LDB2: variants seen among roughly 807,000 people sequenced by gnomAD.
The protein encoded by LDB2 is LIM domain-binding protein 2.
Under a neutral mutation model 44.3 loss-of-function variants are expected in LDB2, and 12 were observed. That is an observed-to-expected ratio of 0.27 (90% CI 0.17 to 0.44). The LOEUF (loss-of-function observed/expected upper bound fraction) is 0.44. Ranked by LOEUF, LDB2 falls within the 20% of genes least tolerant of loss-of-function variation. LDB2 has a pLI of 1.00. For missense variants in LDB2, 344 were observed against 473.5 expected, an observed-to-expected ratio of 0.73 and a Z score of 2.54; for synonymous variants, 164 against 174.8, an observed-to-expected ratio of 0.94 and a Z score of 0.49.
intron 2 of LDB2, among the ~76,000 whole-genome samples, chr4:16,607,029 T>G (rs1295030918): frequency 6.6e-6 from 1 of 152,174 alleles, no homozygotes; most frequent in African/African-American, 2.4e-5. Flanking sequence ...GAAGGCAGAC[T>G]TGGGTAAAAC....
chr4:16,686,453 G>T (rs1346706951), intron 2 of LDB2, among the ~76,000 whole-genome samples: 1 of 152,232 alleles, frequency 6.6e-6, no homozygotes, highest in Non-Finnish European at 1.5e-5. Context: ...TGCAAGGAAA[G>T]ACTACGTGAC....
intron 5 of LDB2, among the ~76,000 whole-genome samples, chr4:16,524,187 T>C (rs1191068365): frequency 6.6e-6 from 1 of 152,170 alleles, no homozygotes; most frequent in East Asian, 1.9e-4. Flanking sequence ...ATAGTATTTA[T>C]CAGGCACCTT....
At chr4:16,569,922 A>G (rs1745815374) in intron 5 of LDB2, among the ~76,000 whole-genome samples, 1 of 152,154 alleles carries the variant, frequency 6.6e-6, no homozygotes, top group South Asian at 2.1e-4. Context: ...ATGAATTGCA[A>G]ATAAGAACAT....
chr4:16,531,112 C>T (rs1320162589), intron 5 of LDB2, among the ~76,000 whole-genome samples: 10 of 152,202 alleles, frequency 6.6e-5, no homozygotes, highest in Non-Finnish European at 1.0e-4. Flanking sequence ...GGAAGGTGCT[C>T]AGCAAACAGC....
chr4:16,557,394 A>G (rs1740092281), intron 5 of LDB2, among the ~76,000 whole-genome samples: 1 of 152,198 alleles, frequency 6.6e-6, no homozygotes, highest in South Asian at 2.1e-4. Context: ...AAAAAGGCGC[A>G]CCAGGAGATT....
intron 5 of LDB2, among the ~76,000 whole-genome samples, chr4:16,557,195 T>C (rs1030499016): frequency 6.6e-6 from 1 of 152,148 alleles, no homozygotes; most frequent in Admixed American, 6.5e-5. Context: ...ACCAGGTTCA[T>C]CTCACTAGGG....
chr4:16,563,705 G>A (rs1325393766), intron 5 of LDB2, among the ~76,000 whole-genome samples: 1 of 150,216 alleles, frequency 6.7e-6, no homozygotes, highest in Non-Finnish European at 1.5e-5. Context: ...TGATCTGCCC[G>A]CCTCGGCCTC....
chr4:16,506,221 A>G, intron 7 of LDB2: 1 of 433,690 alleles, frequency 2.3e-6, no homozygotes, highest in Non-Finnish European at 4.1e-6. Flanking sequence ...TTATCATTTA[A>G]TGTCCATTCA....
intron 2 of LDB2, among the ~76,000 whole-genome samples, chr4:16,690,691 C>A (rs937342366): frequency 6.6e-6 from 1 of 151,976 alleles, no homozygotes; most frequent in Non-Finnish European, 1.5e-5. Context: ...TCAGGCTCAA[C>A]AGAGCAAACA....
intron 1 of LDB2, among the ~76,000 whole-genome samples, chr4:16,780,768 CG>C (rs1773039070): frequency 6.6e-6 from 1 of 151,220 alleles, no homozygotes; most frequent in Non-Finnish European, 1.5e-5. Context: ...ACACATTCCA[CG>C]TGTCTCAAAT....
At chr4:16,752,345 C>A in intron 2 of LDB2, 1 of 413,728 alleles carries the variant, frequency 2.4e-6, no homozygotes, top group Non-Finnish European at 4.8e-6. Flanking sequence ...GGATGAAAAT[C>A]TCACCCTCTG....
At chr4:16,683,925 G>C (rs988847904) in intron 2 of LDB2, among the ~76,000 whole-genome samples, 4 of 152,178 alleles carry the variant, frequency 2.6e-5, no homozygotes, top group African/African-American at 9.6e-5. Flanking sequence ...AGGCTCACCT[G>C]CTTCTTAACC....
chr4:16,746,245 T>C (rs928926712), intron 2 of LDB2, among the ~76,000 whole-genome samples: 1 of 152,246 alleles, frequency 6.6e-6, no homozygotes, highest in African/African-American at 2.4e-5. Flanking sequence ...TTTATCATTT[T>C]AACTTATTAA....
intron 6 of LDB2, among the ~76,000 whole-genome samples, chr4:16,510,180 G>A (rs1332794131): frequency 1.3e-5 from 2 of 152,272 alleles, no homozygotes; most frequent in East Asian, 3.9e-4. Flanking sequence ...GTGGACAATG[G>A]GAAGGATCTT....
At chr4:16,741,642 A>T (rs528753529) in intron 2 of LDB2, 2 of 152,198 alleles carry the variant, frequency 1.3e-5, no homozygotes, top group Non-Finnish European at 2.9e-5. Context: ...AAAAACTCCA[A>T]GATGTATTTC....
intron 1 of LDB2, among the ~76,000 whole-genome samples, chr4:16,835,389 A>C (rs1784730984): frequency 6.6e-6 from 1 of 152,150 alleles, no homozygotes; most frequent in African/African-American, 2.4e-5. Context: ...ATCACTATTT[A>C]CTTTTTGAGC....
intron 2 of LDB2, among the ~76,000 whole-genome samples, chr4:16,636,308 C>T (rs1004141484): frequency 6.6e-6 from 1 of 152,156 alleles, no homozygotes; most frequent in Non-Finnish European, 1.5e-5. Context: ...GGAAAAAAAG[C>T]CTTTATCATT....
intron 2 of LDB2, among the ~76,000 whole-genome samples, chr4:16,693,979 T>C (rs1751493733): frequency 6.6e-6 from 1 of 152,210 alleles, no homozygotes; most frequent in Admixed American, 6.5e-5. Flanking sequence ...CTTTCAACAG[T>C]GTAGGTTACC....
At chr4:16,692,469 T>C (rs150189324) in intron 2 of LDB2, among the ~76,000 whole-genome samples, 161 of 152,276 alleles carry the variant, frequency 1.1e-3, no homozygotes, top group Non-Finnish European at 2.0e-3. Flanking sequence ...CCTTGGAAAG[T>C]AGCGATGTAC....
Sources: gnomAD v4.1 joint callset for allele counts (sites outside exome capture counted in the v4.1 genomes callset) on GRCh38, gnomAD v4.1.1 for gene constraint, MANE v1.5 for transcripts, NCBI Gene and HGNC (gene_info 2026-07-23, HGNC 2026-07-21) for gene names.